Variants in TMTC2 observed in about 807,000 individuals in gnomAD.
The protein encoded by TMTC2 is transmembrane O-mannosyltransferase targeting cadherins 2, also known as protein O-mannosyl-transferase TMTC2.
A neutral mutation model predicts 82.4 loss-of-function variants in TMTC2; 43 were observed. The ratio of observed to expected loss-of-function variants is 0.52; its 90% CI spans 0.41 to 0.67. The LOEUF (loss-of-function observed/expected upper bound fraction) is 0.67. TMTC2 is among the 30% of genes least tolerant of loss of function. The probability of loss-of-function intolerance (pLI) is 0.00; values close to 1 mark genes in which losing one functional copy is unlikely to be tolerated. For synonymous variants in TMTC2, 408 were observed against 381.9 expected, an observed-to-expected ratio of 1.07 and a Z score of -0.80; for missense variants, 919 against 1,012.4, an observed-to-expected ratio of 0.91 and a Z score of 1.25.
chr12:82,914,698 A>C (rs2137216130), intron 3 of TMTC2, among the ~76,000 whole-genome samples: 1 of 152,272 alleles, frequency 6.6e-6, no homozygotes, highest in South Asian at 2.1e-4. Flanking sequence ...AGTATATAAT[A>C]ATCCATTAAT....
rs1491534159 is a variant in TMTC2, at chr12:82,696,963, C to CATATATATATATATATATAT, written c.83+9294_83+9295insATATATATATATATATATAT. On this transcript the variant is annotated intron_variant, in intron 1 of 11. Transcript: ENST00000321196. ...AGCTCTCTTTCTACATACATACATA[C>CATATATATATATATATATAT]GTATATATATATATATATATGTTTC... is the stretch of plus-strand genomic sequence containing the variant. Among the ~76,000 whole-genome samples the CATATATATATATATATATAT allele has an allele frequency of 3.6e-4, 44 of 121,414 alleles. 1 individual carries two copies. Among genetic ancestry groups the CATATATATATATATATATAT allele is most frequent in the Admixed American group, 7.7e-4 (9 of 11,742 alleles). 79.7% of individuals were successfully genotyped at this position (121,414 alleles called of 152,430 possible).
intron 3 of TMTC2, among the ~76,000 whole-genome samples, chr12:82,907,566 A>G (rs1874391781): frequency 6.6e-6 from 1 of 152,078 alleles, no homozygotes; most frequent in South Asian, 2.1e-4. Context: ...AGGAAAAAAA[A>G]TCCAGACCAC....
At chr12:82,889,687 A>G (rs971338901) in intron 2 of TMTC2, among the ~76,000 whole-genome samples, 6 of 152,202 alleles carry the variant, frequency 3.9e-5, no homozygotes, top group Non-Finnish European at 8.8e-5. Context: ...TGTAGCATGC[A>G]TATTTTGCAA....
At chr12:82,939,160 A>G (rs1342840748) in intron 4 of TMTC2, among the ~76,000 whole-genome samples, 1 of 151,944 alleles carries the variant, frequency 6.6e-6, no homozygotes, top group East Asian at 1.9e-4. Flanking sequence ...TCTTATGTTA[A>G]TTGGCTCTTT....
At chr12:82,885,014 C>G (rs1216977624) in intron 2 of TMTC2, among the ~76,000 whole-genome samples, 1 of 152,102 alleles carries the variant, frequency 6.6e-6, no homozygotes, top group East Asian at 1.9e-4. Context: ...CTTCCTCAGC[C>G]TCTCTTGTAG....
intron 1 of TMTC2, among the ~76,000 whole-genome samples, chr12:82,793,334 TAAGA>T (rs1358509587): frequency 6.6e-6 from 1 of 150,994 alleles, no homozygotes; most frequent in African/African-American, 2.4e-5. Context: ...TTTCTCAGGA[TAAGA>T]AAGCAAAATC....
At chr12:82,995,655 C>A (rs1879585060) in intron 8 of TMTC2, among the ~76,000 whole-genome samples, 2 of 152,212 alleles carry the variant, frequency 1.3e-5, no homozygotes, top group Non-Finnish European at 2.9e-5. Flanking sequence ...TTATTCATTT[C>A]ATATATCCCT....
intron 1 of TMTC2, among the ~76,000 whole-genome samples, chr12:82,787,391 T>C (rs374290225): frequency 6.6e-6 from 1 of 152,152 alleles, no homozygotes; most frequent in Non-Finnish European, 1.5e-5. Context: ...GTTTAGACTT[T>C]ATTCTTAAAG....
chr12:82,782,464 G>A (rs1450952387), intron 1 of TMTC2, among the ~76,000 whole-genome samples: 6 of 152,066 alleles, frequency 3.9e-5, no homozygotes, highest in Non-Finnish European at 7.4e-5. Flanking sequence ...AGCCTTCCTA[G>A]TGTTTGGATA....
chr12:83,123,196 G>A (rs1885008815), intron 11 of TMTC2, among the ~76,000 whole-genome samples: 1 of 152,224 alleles, frequency 6.6e-6, no homozygotes, highest in Non-Finnish European at 1.5e-5. Context: ...AGACGTAGGA[G>A]GGAAGGATTG....
At chr12:82,845,284 C>T (rs989925399) in intron 1 of TMTC2, among the ~76,000 whole-genome samples, 1 of 123,288 alleles carries the variant, frequency 8.1e-6, no homozygotes, top group African/African-American at 3.2e-5. Context: ...TTGAACTAGT[C>T]ACACATTGCA....
intron 2 of TMTC2, among the ~76,000 whole-genome samples, chr12:82,885,724 C>T (rs534346837): frequency 4.6e-5 from 7 of 152,240 alleles, no homozygotes; most frequent in African/African-American, 1.7e-4. Flanking sequence ...ATTTTCATCA[C>T]ATCATAACAA....
At chr12:82,894,849 G>C (rs1873577936) in intron 2 of TMTC2, among the ~76,000 whole-genome samples, 1 of 152,008 alleles carries the variant, frequency 6.6e-6, no homozygotes, top group Admixed American at 6.6e-5. Flanking sequence ...GCCCAGGCTG[G>C]AGTGCAGTGG....
rs78136448 is a variant in TMTC2 at position 82,929,891 on chromosome 12, G to A, written c.1484-540G>A. ...GATTTTCAGGGAAGTGAGCTCATAA[G>A]CAGAAACAGTATAAAAGAACATTAT... is the stretch of plus-strand genomic sequence containing the variant. On this transcript the variant is annotated intron_variant, in intron 3 of 11. Transcript: ENST00000321196. Among the ~76,000 whole-genome samples the A allele has an allele frequency of 6.1e-3, 934 of 152,266 alleles. 11 individuals carry two copies. The highest frequency in any genetic ancestry group is 0.021 in the African/African-American group (890 of 41,542).
At chr12:82,761,288 G>A (rs755855490) in intron 1 of TMTC2, among the ~76,000 whole-genome samples, 1 of 152,154 alleles carries the variant, frequency 6.6e-6, no homozygotes, top group Non-Finnish European at 1.5e-5. Flanking sequence ...TATAACATGC[G>A]TTATTACCAT....
intron 1 of TMTC2, among the ~76,000 whole-genome samples, chr12:82,802,532 A>G (rs935126855): frequency 4.6e-5 from 7 of 152,234 alleles, no homozygotes; most frequent in African/African-American, 1.7e-4. Context: ...AATAAGGGAC[A>G]TCAGGCAATT....
At chr12:82,707,441 T>C (rs982950785) in intron 1 of TMTC2, among the ~76,000 whole-genome samples, 1 of 152,196 alleles carries the variant, frequency 6.6e-6, no homozygotes, top group Non-Finnish European at 1.5e-5. Flanking sequence ...ATGAGCACAA[T>C]TCAGGAAAGG....
intron 4 of TMTC2, among the ~76,000 whole-genome samples, chr12:82,932,455 A>G (rs1413238437): frequency 6.6e-6 from 1 of 152,158 alleles, no homozygotes; most frequent in Non-Finnish European, 1.5e-5. Flanking sequence ...TCTTACCATC[A>G]TCTTTGCTGA....
At chr12:83,040,785 T>C (rs530697110) in intron 9 of TMTC2, among the ~76,000 whole-genome samples, 1 of 149,944 alleles carries the variant, frequency 6.7e-6, no homozygotes, top group African/African-American at 2.4e-5. Context: ...CCCGGGTTCA[T>C]GCCATTCTCC....
Sources: gnomAD v4.1 joint callset for allele counts (sites outside exome capture counted in the v4.1 genomes callset) on GRCh38, gnomAD v4.1.1 for gene constraint, MANE v1.5 for transcripts, NCBI Gene and HGNC (gene_info 2026-07-23, HGNC 2026-07-21) for gene names.